Variants in IKBKB observed in about 807,000 individuals in gnomAD.
The protein encoded by IKBKB is inhibitor of nuclear factor kappa-B kinase subunit beta.
IKBKB carries 42 observed loss-of-function variants against 113.6 expected under a neutral mutation model. That is an observed-to-expected ratio of 0.37 (90% CI 0.29 to 0.48). The LOEUF (loss-of-function observed/expected upper bound fraction) is 0.48, where lower values mean the gene tolerates loss of function less well. Among genes scored for constraint, IKBKB ranks in the 20% least tolerant of loss-of-function variants. IKBKB has a pLI of 0.99. For missense variants in IKBKB, 673 were observed against 939.7 expected (o/e 0.72, Z 3.71); for synonymous variants, 296 against 361.3 (o/e 0.82, Z 2.05).
chr8:42,285,679 T>A (rs1231338780), intron 2 of IKBKB, among the ~76,000 whole-genome samples: 1 of 152,208 alleles, frequency 6.6e-6, no homozygotes, highest in Non-Finnish European at 1.5e-5. Flanking sequence ...GAAGGATACT[T>A]AGGGCAGAAC....
intron 9 of IKBKB, among the ~76,000 whole-genome samples, chr8:42,315,796 G>C (rs1818572853): frequency 6.6e-6 from 1 of 152,154 alleles, no homozygotes; most frequent in South Asian, 2.1e-4. Context: ...CCGAGTAGCT[G>C]GGATTACAGG....
chr8:42,306,821 T>C (rs551850161), intron 7 of IKBKB, among the ~76,000 whole-genome samples: 1 of 152,352 alleles, frequency 6.6e-6, no homozygotes, highest in East Asian at 1.9e-4. Flanking sequence ...GGCCACACTT[T>C]CCATGAGGTA....
At chr8:42,296,474 ACAAAAAACC>A (rs1251984894) in intron 5 of IKBKB, among the ~76,000 whole-genome samples, 1 of 152,206 alleles carries the variant, frequency 6.6e-6, no homozygotes, top group African/African-American at 2.4e-5. Flanking sequence ...TACTAAACGT[ACAAAAAACC>A]CAAAAAACTA....
At chr8:42,330,033 A>C (rs984178962) in intron 21 of IKBKB, 1 of 985,284 alleles carries the variant, frequency 1.0e-6, no homozygotes, top group African/African-American at 1.7e-5. Flanking sequence ...TCCTCCTGGC[A>C]TGATAATGTT....
chr8:42,323,218 A>G (rs1466215329), intron 19 of IKBKB, among the ~76,000 whole-genome samples: 4 of 152,246 alleles, frequency 2.6e-5, no homozygotes, highest in Non-Finnish European at 5.9e-5. Flanking sequence ...AAGTACGGTC[A>G]CACTCACAGG....
chr8:42,321,046 C>T (rs988127629), intron 16 of IKBKB: 7 of 468,068 alleles, frequency 1.5e-5, no homozygotes, highest in Non-Finnish European at 2.6e-5. Context: ...TCTTAAGTCA[C>T]GAAGTTGTAA....
At chr8:42,305,329 C>A in intron 6 of IKBKB, 54 bp downstream of exon 6, 1 of 1,114,472 alleles carries the variant, frequency 9.0e-7, no homozygotes, top group Non-Finnish European at 1.4e-6. Context: ...CGGGAAGTGG[C>A]CTGGGAGGAA....
chr8:42,288,390 C>CAA (rs35281996), intron 2 of IKBKB, among the ~76,000 whole-genome samples: 1 of 136,434 alleles, frequency 7.3e-6, no homozygotes. Flanking sequence ...CCATCTCAAA[C>CAA]AAAAAAAAAA....
At chr8:42,272,798 G>C (rs1808068459) in intron 2 of IKBKB, among the ~76,000 whole-genome samples, 1 of 151,984 alleles carries the variant, frequency 6.6e-6, no homozygotes. Context: ...AATTAGCCAG[G>C]CTTGGTGGCA....
chr8:42,298,444 A>G (rs889404152), intron 5 of IKBKB: 41 of 985,294 alleles, frequency 4.2e-5, no homozygotes, highest in Non-Finnish European at 4.7e-5. Context: ...CAGAGAAAAC[A>G]TTTGGCTTTG....
Position 42,320,763 on chromosome 8 carries a change from G to A in IKBKB, c.1607G>A (p.Arg536Gln), listed in dbSNP as rs111715123. ...AACGAAGTGAAACTCCTGGTAGAACGGATGATGGCTCTGCAGACCGACATT... is the reference window on the plus strand; with the variant it reads ...AACGAAGTGAAACTCCTGGTAGAACAGATGATGGCTCTGCAGACCGACATT... ...RENEVKLLVE[R>Q]MMALQTDIVD... The change falls in exon 16 of 22, where the codon CGG (arginine) becomes CAG (glutamine). Residue 536 changes from arginine to glutamine, a missense_variant. By Grantham distance (43) the Arg-to-Gln change is conservative. Around this residue, in one of 2 missense-constraint regions of IKBKB, gnomAD observed 506 missense variants for 638.7 expected, o/e 0.79. Transcript: ENST00000520810. 43 of 1,612,548 alleles carry A rather than the reference G, an allele frequency of 2.7e-5. No homozygotes were observed. The highest frequency in any genetic ancestry group is 3.2e-5 in the Non-Finnish European group (38 of 1,179,254).
At chr8:42,290,938 A>G (rs1812494926) in intron 4 of IKBKB, among the ~76,000 whole-genome samples, 1 of 152,164 alleles carries the variant, frequency 6.6e-6, no homozygotes. Context: ...ATTGTTCCCT[A>G]TGACAGTACC....
At chr8:42,297,851 C>A (rs764592211) in intron 5 of IKBKB, among the ~76,000 whole-genome samples, 2 of 151,968 alleles carry the variant, frequency 1.3e-5, no homozygotes, top group African/African-American at 2.4e-5. Flanking sequence ...GCCGAGATCG[C>A]GCCATTGCAC....
At chr8:42,318,262 CAAAA>C (rs1234811746) in intron 12 of IKBKB, among the ~76,000 whole-genome samples, 1 of 120,446 alleles carries the variant, frequency 8.3e-6, no homozygotes. Flanking sequence ...GACCTTGTCT[CAAAA>C]AAAAAAAAAA....
chr8:42,303,082 AGAGAGAGAAT>A (rs527853864), intron 5 of IKBKB, among the ~76,000 whole-genome samples: 1 of 146,412 alleles, frequency 6.8e-6, no homozygotes. Flanking sequence ...AGAGAGAGAG[AGAGAGAGAAT>A]GAGAGAGAGA....
intron 8 of IKBKB, 89 bp downstream of exon 8, chr8:42,309,114 G>A (rs759311402): frequency 3.6e-5 from 50 of 1,384,148 alleles, no homozygotes; most frequent in Non-Finnish European, 4.5e-5. Flanking sequence ...CCCCATCACC[G>A]GGCCTGGGAG....
At chr8:42,300,324 G>A (rs549968538) in intron 5 of IKBKB, among the ~76,000 whole-genome samples, 1 of 152,190 alleles carries the variant, frequency 6.6e-6, no homozygotes, top group South Asian at 2.1e-4. Flanking sequence ...GTGATGACTT[G>A]GATTACCAGC....
Position 42,326,009 on chromosome 8 carries a change from A to T in IKBKB, c.2026A>T (p.Met676Leu). ...TCCTGTCAGTGGAAGCCCGGATAGC[A>T]TGAATGCCTCTCGACTTAGCCAGCC... ...RGPVSGSPDS[M>L]NASRLSQPGQ... is the part of the protein sequence containing the mutation. Residue 676 changes from methionine to leucine, a missense_variant, in exon 20 of 22, where the codon ATG (methionine) becomes TTG (leucine). Coordinates refer to ENST00000520810, the MANE Select transcript of IKBKB (RefSeq NM_001556.3). The T allele has an allele frequency of 6.2e-7, 1 of 1,614,228 alleles. No individual in the cohort carries two copies. The highest frequency in any genetic ancestry group is 1.3e-5 in the African/African-American group (1 of 75,052).
chr8:42,272,071 A>C lies in IKBKB; in HGVS notation c.-18-12A>C, dbSNP rs200569204. ...ATCCTAACCTTTTTTCCCCATCCCA[A>C]ATTGCTTATAGAGTTAGCACGACAT... On this transcript the variant is annotated splice_polypyrimidine_tract_variant and intron_variant, in intron 1 of 21. Transcript: ENST00000520810. The C allele has an allele frequency of 2.5e-6, 4 of 1,602,040 alleles. No homozygotes were observed. The highest frequency in any genetic ancestry group is 3.4e-6 in the Non-Finnish European group (4 of 1,173,170).
Sources: allele counts gnomAD v4.1 joint callset (sites outside exome capture counted in the v4.1 genomes callset), GRCh38; gene constraint gnomAD v4.1.1; regional missense constraint gnomAD v4.1.1; transcripts MANE v1.5; gene names NCBI Gene and HGNC (gene_info 2026-07-23, HGNC 2026-07-21).